Variants in PTPN4 observed in about 807,000 individuals in gnomAD.
The protein encoded by PTPN4 is protein tyrosine phosphatase non-receptor type 4.
In PTPN4, 49 loss-of-function variants were observed where a neutral mutation model predicts 135.5. The observed-to-expected ratio is 0.36, with a 90% confidence interval of 0.29 to 0.46. PTPN4 has a LOEUF of 0.46. Among genes scored for constraint, PTPN4 ranks in the 20% least tolerant of loss-of-function variants. PTPN4 has a pLI of 1.00. For synonymous variants in PTPN4, 333 were observed against 369.9 expected (o/e 0.90, Z 1.14); for missense variants, 860 against 1,101.0 (o/e 0.78, Z 3.10).
chr2:119,960,070 G>GTA (rs1679345321), intron 22 of PTPN4, among the ~76,000 whole-genome samples: 1 of 152,112 alleles, frequency 6.6e-6, no homozygotes, highest in East Asian at 1.9e-4. Context: ...TTTATATGTT[G>GTA]TATATAGAAT....
intron 12 of PTPN4, among the ~76,000 whole-genome samples, chr2:119,925,196 G>T (rs1678803996): frequency 1.3e-5 from 2 of 152,060 alleles, no homozygotes; most frequent in African/African-American, 4.8e-5. Flanking sequence ...GACTATTAAA[G>T]CAGCTGCCAG....
Position 119,869,978 on chromosome 2 carries a change from C to T in PTPN4, c.246+7335C>T, listed in dbSNP as rs191495022. 1.6e-4 allele frequency among the ~76,000 whole-genome samples: 24 copies of T among 152,300 alleles called. No homozygotes were observed. The East Asian group carries it at 4.4e-3, about 28-fold the overall frequency. Reference sequence around the variant, plus strand: ...TGATTAACTGAGAAACTATTTGAGGCCACTTGGCCTCCTCTTTTCCCCATT... The same window carrying T: ...TGATTAACTGAGAAACTATTTGAGGTCACTTGGCCTCCTCTTTTCCCCATT... On this transcript the variant is annotated intron_variant, in intron 3 of 26. Transcript: ENST00000263708.
intron 2 of PTPN4, among the ~76,000 whole-genome samples, chr2:119,852,913 G>T (rs749881504): frequency 2.0e-5 from 3 of 151,906 alleles, no homozygotes; most frequent in Admixed American, 1.3e-4. Flanking sequence ...TTATTTAGAA[G>T]TTGTTTAATT....
intron 1 of PTPN4, among the ~76,000 whole-genome samples, chr2:119,794,712 T>C (rs756996446): frequency 2.6e-5 from 4 of 152,124 alleles, no homozygotes; most frequent in Non-Finnish European, 5.9e-5. Context: ...CTTCTGTCCT[T>C]CTTGTCACCT....
chr2:119,782,934 C>T (rs1228037663), intron 1 of PTPN4, among the ~76,000 whole-genome samples: 5 of 150,978 alleles, frequency 3.3e-5, no homozygotes, highest in African/African-American at 9.7e-5. Flanking sequence ...TCTTCAACTC[C>T]TGGGCTCAAG....
chr2:119,885,441 T>C (rs17049912), intron 8 of PTPN4, among the ~76,000 whole-genome samples: 44,470 of 151,968 alleles, frequency 0.29, 6,704 homozygotes, highest in African/African-American at 0.36. Flanking sequence ...TTCAGAGATA[T>C]CCTGTGTGAT....
intron 1 of PTPN4, among the ~76,000 whole-genome samples, chr2:119,808,665 C>T (rs1003138368): frequency 3.9e-5 from 6 of 152,094 alleles, no homozygotes; most frequent in Non-Finnish European, 1.5e-5. Context: ...CTGAAGCAAT[C>T]CTCCCACCTC....
intron 2 of PTPN4, among the ~76,000 whole-genome samples, chr2:119,851,379 A>G (rs552534091): frequency 6.6e-6 from 1 of 152,308 alleles, no homozygotes; most frequent in Non-Finnish European, 1.5e-5. Context: ...TTAGAACAGG[A>G]AAGAAAGGAA....
chr2:119,922,624 T>C (rs1574405854), intron 12 of PTPN4, among the ~76,000 whole-genome samples: 1 of 152,336 alleles, frequency 6.6e-6, no homozygotes, highest in South Asian at 2.1e-4. Context: ...ATGAGGGATA[T>C]ATCTCTGTAG....
At chr2:119,880,854 A>G (rs978076167) in intron 5 of PTPN4, among the ~76,000 whole-genome samples, 1 of 152,128 alleles carries the variant, frequency 6.6e-6, no homozygotes, top group Non-Finnish European at 1.5e-5. Context: ...TGTAATGAAT[A>G]TCTGATTCTC....
At chr2:119,902,530 C>T (rs1025900718) in intron 10 of PTPN4, among the ~76,000 whole-genome samples, 3 of 152,146 alleles carry the variant, frequency 2.0e-5, no homozygotes, top group Non-Finnish European at 2.9e-5. Context: ...ACTAGAGTCA[C>T]GGAGGCACTT....
In PTPN4 at chr2:119,923,646, T is replaced by TA. The variant is rs1678769774; in HGVS notation, c.1002-2945dup. On this transcript the variant is annotated intron_variant, in intron 12 of 26. Coordinates refer to ENST00000263708, the MANE Select transcript of PTPN4 (RefSeq NM_002830.4). ...GGAGATAAATCAGAATAATCCTGAT[T>TA]AAAAAAATAACTTTTTATCAGGTAT... Among the ~76,000 whole-genome samples the TA allele has an allele frequency of 2.0e-5, 3 of 152,154 alleles. 1 individual carries two copies. The South Asian group carries it at 6.2e-4, about 32-fold the overall frequency.
chr2:119,951,951 C>A lies in PTPN4; in HGVS notation c.1657-22C>A. The A allele has an allele frequency of 3.9e-6, 6 of 1,556,880 alleles. No individual in the cohort carries two copies. The Middle Eastern group carries it at 8.6e-4, about 223-fold the overall frequency. On this transcript the variant is annotated intron_variant, in intron 18 of 26. Coordinates refer to ENST00000263708, the MANE Select transcript of PTPN4 (RefSeq NM_002830.4). The stretch of plus-strand genomic sequence containing the variant: ...CAGAAAGTTGCATGCCAATCTGAAA[C>A]CTTATCTATATTATATTACAGGCTG...
intron 3 of PTPN4, among the ~76,000 whole-genome samples, chr2:119,865,670 T>C (rs1677823762): frequency 6.6e-6 from 1 of 152,062 alleles, no homozygotes; most frequent in Non-Finnish European, 1.5e-5. Context: ...GCTAAGATTC[T>C]ACAAGAATTA....
intron 12 of PTPN4, among the ~76,000 whole-genome samples, chr2:119,925,224 C>T (rs1678804601): frequency 6.6e-6 from 1 of 152,174 alleles, no homozygotes; most frequent in Non-Finnish European, 1.5e-5. Context: ...CAGTTTCCTG[C>T]TCTGCCTTTC....
chr2:119,800,359 T>G (rs185194262), intron 1 of PTPN4, among the ~76,000 whole-genome samples: 3 of 152,296 alleles, frequency 2.0e-5, no homozygotes, highest in African/African-American at 7.2e-5. Context: ...CATCCTTTCA[T>G]GTGCTTAATG....
intron 2 of PTPN4, among the ~76,000 whole-genome samples, chr2:119,822,609 G>A (rs146326613): frequency 3.6e-4 from 55 of 152,158 alleles, no homozygotes; most frequent in African/African-American, 1.3e-3. Flanking sequence ...CACCTGCCTC[G>A]GCCTCCCAAA....
At chr2:119,813,484 T>A (rs1002019220) in intron 2 of PTPN4, among the ~76,000 whole-genome samples, 14 of 151,788 alleles carry the variant, frequency 9.2e-5, no homozygotes, top group Admixed American at 9.2e-4. Flanking sequence ...CGACCTCAGG[T>A]GATCCACCTG....
intron 1 of PTPN4, among the ~76,000 whole-genome samples, chr2:119,797,943 C>G (rs906299847): frequency 1.3e-5 from 2 of 151,964 alleles, no homozygotes; most frequent in South Asian, 2.1e-4. Context: ...CAACTCTTCA[C>G]TTAACATAAT....
Sources: gnomAD v4.1 joint callset for allele counts (sites outside exome capture counted in the v4.1 genomes callset) on GRCh38, gnomAD v4.1.1 for gene constraint, MANE v1.5 for transcripts, NCBI Gene and HGNC (gene_info 2026-07-23, HGNC 2026-07-21) for gene names.